The following CNBD1 variants were observed in gnomAD, a reference collection of about 807,000 sequenced individuals.
The protein encoded by CNBD1 is cyclic nucleotide binding domain containing 1, also known as cyclic nucleotide-binding domain-containing protein 1.
A neutral mutation model predicts 54.4 loss-of-function variants in CNBD1; 71 were observed. That is an observed-to-expected ratio of 1.30 (90% CI 1.08 to 1.59). The LOEUF is 1.59. Among genes scored for constraint, CNBD1 ranks in the 40% most tolerant of loss-of-function variants. CNBD1 has a pLI of 0.00. For synonymous variants in CNBD1, 182 were observed against 170.7 expected, an observed-to-expected ratio of 1.07 and a Z score of -0.51; for missense variants, 659 against 518.0, an observed-to-expected ratio of 1.27 and a Z score of -2.64.
At chr8:87,045,566 A>G (rs1307155862) in intron 4 of CNBD1, among the ~76,000 whole-genome samples, 2 of 151,768 alleles carry the variant, frequency 1.3e-5, no homozygotes, top group Non-Finnish European at 2.9e-5. Context: ...TCTACTAAAA[A>G]TACAAAAAAT....
intron 2 of CNBD1, among the ~76,000 whole-genome samples, chr8:87,393,414 A>T (rs577565670): frequency 6.6e-6 from 1 of 152,096 alleles, no homozygotes; most frequent in South Asian, 2.1e-4. Context: ...TCAGGATTTG[A>T]AAGTACACAT....
intron 8 of CNBD1, among the ~76,000 whole-genome samples, chr8:87,323,500 C>T (rs1809590670): frequency 8.4e-6 from 1 of 118,536 alleles, no homozygotes; most frequent in African/African-American, 3.1e-5. Context: ...GTTTGTAGTT[C>T]TTGAAGAGGT....
At chr8:87,369,142 G>T (rs1810706342) in intron 10 of CNBD1, among the ~76,000 whole-genome samples, 1 of 151,872 alleles carries the variant, frequency 6.6e-6, no homozygotes, top group African/African-American at 2.4e-5. Context: ...ATTTTGGCTA[G>T]ATTTTTGGCT....
intron 5 of CNBD1, among the ~76,000 whole-genome samples, chr8:87,224,852 A>C (rs1337831022): frequency 6.6e-6 from 1 of 151,302 alleles, no homozygotes; most frequent in African/African-American, 2.4e-5. Context: ...CATTTTCATG[A>C]TATTGATTCT....
intron 4 of CNBD1, among the ~76,000 whole-genome samples, chr8:87,100,615 A>G (rs1195937035): frequency 2.6e-5 from 4 of 152,124 alleles, no homozygotes; most frequent in African/African-American, 9.7e-5. Flanking sequence ...AGCTGGGGTT[A>G]CAGGCACCTA....
At chr8:87,379,409 C>T (rs1811026338) in intron 10 of CNBD1, among the ~76,000 whole-genome samples, 2 of 151,910 alleles carry the variant, frequency 1.3e-5, no homozygotes, top group East Asian at 3.9e-4. Flanking sequence ...ACTCTCCACC[C>T]CAAATCAACA....
At chr8:87,141,537 T>A (rs1812369732) in intron 4 of CNBD1, among the ~76,000 whole-genome samples, 1 of 152,102 alleles carries the variant, frequency 6.6e-6, no homozygotes, top group Non-Finnish European at 1.5e-5. Flanking sequence ...TTTCCAACCA[T>A]TTTTAATATT....
intron 6 of CNBD1, among the ~76,000 whole-genome samples, chr8:87,246,801 A>G (rs1807815017): frequency 6.6e-6 from 1 of 151,974 alleles, no homozygotes; most frequent in African/African-American, 2.4e-5. Flanking sequence ...GGGGTGGGGG[A>G]TGGTTTTGGG....
chr8:87,233,818 A>G (rs1195554791), intron 5 of CNBD1, among the ~76,000 whole-genome samples: 2 of 152,126 alleles, frequency 1.3e-5, no homozygotes, highest in Admixed American at 6.6e-5. Flanking sequence ...TTCTGCATCA[A>G]TTGACTCTTC....
intron 4 of CNBD1, among the ~76,000 whole-genome samples, chr8:87,009,632 A>G (rs1809174124): frequency 6.6e-6 from 1 of 152,038 alleles, no homozygotes; most frequent in South Asian, 2.1e-4. Flanking sequence ...TGTTTTATAC[A>G]GTTACTATTC....
intron 2 of CNBD1, among the ~76,000 whole-genome samples, chr8:87,420,654 C>T (rs1256966544): frequency 6.6e-6 from 1 of 151,982 alleles, no homozygotes; most frequent in Non-Finnish European, 1.5e-5. Flanking sequence ...TTTCATGCTG[C>T]TATTATGCTT....
chr8:87,191,336 C>G (rs922420999), intron 4 of CNBD1, among the ~76,000 whole-genome samples: 6 of 152,150 alleles, frequency 3.9e-5, no homozygotes, highest in Admixed American at 3.3e-4. Flanking sequence ...TATCCCCATT[C>G]TTCCACCAGC....
rs79082556 is a variant in CNBD1, at chr8:86,952,353, G to T, written c.431+12599G>T. On this transcript the variant is annotated intron_variant, in intron 4 of 10. Transcript: ENST00000518476. ...TTCGGGTTCACAGTGTGAATTATCT[G>T]ATAGTGGATTTTGCCTATATTTTCT... is the stretch of plus-strand genomic sequence containing the variant. Among the ~76,000 whole-genome samples, 202 of 152,204 alleles carry T rather than the reference G, an allele frequency of 1.3e-3. 3 individuals carry two copies. In the East Asian group the frequency reaches 0.036, roughly 27 times the overall value.
intron 4 of CNBD1, among the ~76,000 whole-genome samples, chr8:87,205,092 C>T (rs1176033005): frequency 6.6e-6 from 1 of 152,040 alleles, no homozygotes; most frequent in East Asian, 1.9e-4. Context: ...TAAACTGGGA[C>T]TATTACTGTC....
chr8:86,987,884 G>C (rs1325218144), intron 4 of CNBD1, among the ~76,000 whole-genome samples: 1 of 152,132 alleles, frequency 6.6e-6, no homozygotes, highest in African/African-American at 2.4e-5. Context: ...CTCATTTACT[G>C]CTGGATTTGG....
At chr8:87,362,130 A>G (rs1810535320) in intron 10 of CNBD1, among the ~76,000 whole-genome samples, 1 of 152,070 alleles carries the variant, frequency 6.6e-6, no homozygotes, top group Non-Finnish European at 1.5e-5. Context: ...TTCAAAAATG[A>G]GCTTTCTCAG....
At chr8:87,299,927 A>G (rs1238650613) in intron 8 of CNBD1, among the ~76,000 whole-genome samples, 2 of 152,194 alleles carry the variant, frequency 1.3e-5, no homozygotes, top group Non-Finnish European at 2.9e-5. Context: ...CACATATAAC[A>G]TTCTGAAATC....
intron 8 of CNBD1, among the ~76,000 whole-genome samples, chr8:87,339,127 GAGA>G (rs57007335): frequency 0.37 from 56,222 of 151,736 alleles, 10,702 homozygotes; most frequent in Middle Eastern, 0.45. Flanking sequence ...TTTCTCTTGA[GAGA>G]AGATCTTGTT....
rs536641280 is a variant in CNBD1 at position 87,300,271 on chromosome 8, A to G, written c.1042+13600A>G. Among the ~76,000 whole-genome samples, 10 of 152,318 alleles carry G rather than the reference A, an allele frequency of 6.6e-5. No individual in the cohort carries two copies. The South Asian group carries it at 1.2e-3, about 19-fold the overall frequency. ...TTTAACAAAATATTTGTGTCCATGT[A>G]TGTAGCCACAGAGATTAGACACAGA... On this transcript the variant is annotated intron_variant, in intron 8 of 10. Coordinates refer to ENST00000518476, the MANE Select transcript of CNBD1 (RefSeq NM_173538.3).
Sources: gnomAD v4.1 joint callset for allele counts (sites outside exome capture counted in the v4.1 genomes callset) on GRCh38, gnomAD v4.1.1 for gene constraint, MANE v1.5 for transcripts, NCBI Gene and HGNC (gene_info 2026-07-23, HGNC 2026-07-21) for gene names.